Variants in SCN11A observed in about 807,000 individuals in gnomAD.
The protein encoded by SCN11A is sodium channel protein type 11 subunit alpha.
Under a neutral mutation model 162.2 loss-of-function variants are expected in SCN11A, and 122 were observed. That is an observed-to-expected ratio of 0.75 (90% CI 0.65 to 0.87). The LOEUF is 0.87. Ranked by LOEUF, SCN11A falls within the 40% of genes least tolerant of loss-of-function variation. The probability of loss-of-function intolerance (pLI) is 0.00; values close to 1 mark genes in which losing one functional copy is unlikely to be tolerated. For synonymous variants in SCN11A, 758 were observed against 751.5 expected, an observed-to-expected ratio of 1.01 and a Z score of -0.14; for missense variants, 2,015 against 2,181.6, an observed-to-expected ratio of 0.92 and a Z score of 1.52.
intron 1 of SCN11A, among the ~76,000 whole-genome samples, chr3:39,047,078 T>C (rs1322206584): frequency 9.3e-6 from 1 of 107,182 alleles, no homozygotes; most frequent in African/African-American, 3.4e-5. Flanking sequence ...CCTTTTTTTT[T>C]TTTAAGACTG....
At chr3:38,914,705 G>A (rs1028474401) in intron 11 of SCN11A, among the ~76,000 whole-genome samples, 2 of 152,096 alleles carry the variant, frequency 1.3e-5, no homozygotes, top group Non-Finnish European at 2.9e-5. Context: ...AATGGATGTT[G>A]AGTTTATCAA....
chr3:38,942,741 A>G (rs2066460007), intron 7 of SCN11A, among the ~76,000 whole-genome samples: 1 of 152,192 alleles, frequency 6.6e-6, no homozygotes, highest in Admixed American at 6.5e-5. Context: ...CAATTGTATA[A>G]GAAGAAAAAT....
At chr3:38,953,571 A>C (rs538533276) in intron 4 of SCN11A, among the ~76,000 whole-genome samples, 58 bp downstream of exon 4, 2 of 152,350 alleles carry the variant, frequency 1.3e-5, no homozygotes, top group South Asian at 4.1e-4. Flanking sequence ...TTGAGAGTTA[A>C]TAAATAGCCT....
Position 38,846,964 on chromosome 3 carries a change from A to G in SCN11A, c.5106T>C (p.Ser1702=), listed in dbSNP as rs2126075591. Residue 1702 remains serine, a synonymous_variant, in exon 30 of 30, where the codon AGT becomes AGC. Transcript: ENST00000302328. ...RVLGGSDGLD[S]MKAMMEEKFM... ...ACTTCTCTTCCATCATTGCTTTCAT[A>G]CTATCTAGGCCATCAGAGCCACCGA... 1 of 1,614,000 alleles carries G rather than the reference A, an allele frequency of 6.2e-7. No homozygotes were observed. Among genetic ancestry groups the G allele is most frequent in the South Asian group, 1.1e-5 (1 of 91,054 alleles).
At chr3:38,886,824 T>C (rs747005405) in intron 19 of SCN11A, among the ~76,000 whole-genome samples, 2 of 152,148 alleles carry the variant, frequency 1.3e-5, no homozygotes, top group Non-Finnish European at 2.9e-5. Flanking sequence ...AATAAATTTG[T>C]TCTGATGACC....
intron 19 of SCN11A, among the ~76,000 whole-genome samples, chr3:38,891,294 G>A (rs907257244): frequency 6.6e-6 from 1 of 151,984 alleles, no homozygotes; most frequent in Non-Finnish European, 1.5e-5. Flanking sequence ...GAGACCAACA[G>A]TACATTTGAA....
chr3:38,960,606 GGTT>G (rs1389931884), intron 2 of SCN11A, among the ~76,000 whole-genome samples, 183 bp from the exon 3 acceptor site: 5 of 152,266 alleles, frequency 3.3e-5, no homozygotes, highest in Non-Finnish European at 5.9e-5. Context: ...TAAAGAAACA[GGTT>G]GTTGTTTTTT....
rs1559544931 is a variant in SCN11A, at chr3:38,938,525, TATATATATATATATATATATATATA to T, written c.488+6861_488+6885del. On this transcript the variant is annotated intron_variant, in intron 7 of 29. Transcript: ENST00000302328. ...GAAAAATATCATATATATATATATATATATATATATATATATATATATATATTTTTTTTTTTTTTTTTTTTTTTTT... is the reference window on the plus strand; with the variant it reads ...GAAAAATATCATATATATATATATATTTTTTTTTTTTTTTTTTTTTTTTTT... 3.6e-3 allele frequency among the ~76,000 whole-genome samples: 58 copies of T among 16,112 alleles called. 1 individual carries two copies. Among genetic ancestry groups the T allele is most frequent in the African/African-American group, 0.015 (42 of 2,882 alleles). The allele number at this position is 16,112 out of a possible 152,430, so 10.6% of individuals were successfully genotyped here. A position where few individuals can be genotyped will look rare whatever the true frequency, so the allele number is the denominator to read the frequency against.
chr3:38,906,822 C>T (rs1380426025), intron 14 of SCN11A, among the ~76,000 whole-genome samples: 1 of 152,114 alleles, frequency 6.6e-6, no homozygotes, highest in Non-Finnish European at 1.5e-5. Flanking sequence ...AGGGTAAACT[C>T]TCTAGCTTTG....
intron 16 of SCN11A, among the ~76,000 whole-genome samples, chr3:38,902,753 A>G (rs151105546): frequency 0.016 from 2,423 of 151,978 alleles, 67 homozygotes; most frequent in African/African-American, 0.056. Context: ...TCCTGACCTC[A>G]TGATCTGCCT....
At chr3:39,047,312 T>G (rs2032208710) in intron 1 of SCN11A, among the ~76,000 whole-genome samples, 1 of 151,856 alleles carries the variant, frequency 6.6e-6, no homozygotes, top group Non-Finnish European at 1.5e-5. Flanking sequence ...CTGGGAAAAC[T>G]GACCCCCTAT....
chr3:38,911,361 T>C (rs1182729119), intron 11 of SCN11A, among the ~76,000 whole-genome samples: 1 of 152,222 alleles, frequency 6.6e-6, no homozygotes, highest in African/African-American at 2.4e-5. Flanking sequence ...GTTATTATCC[T>C]GTGTTGCTAT....
intron 1 of SCN11A, among the ~76,000 whole-genome samples, chr3:39,045,871 T>C (rs189314831): frequency 6.6e-6 from 1 of 152,352 alleles, no homozygotes; most frequent in African/African-American, 2.4e-5. Context: ...TTGCAGATGA[T>C]ATGATCTTAT....
rs753000639 is a variant in SCN11A at position 38,867,423 on chromosome 3, G to C, written c.3849C>G (p.Leu1283=). The part of the protein sequence containing the change: ...EQQPEFESNS[L]GYIYFVVFII... Reference sequence around the variant, plus strand: ...TAAAGACTACGAAGTAAATGTAACCGAGTGAATTGCTCTCAAACTCTGGCT... The same window carrying C: ...TAAAGACTACGAAGTAAATGTAACCCAGTGAATTGCTCTCAAACTCTGGCT... The change falls in exon 27 of 30, where the codon CTC becomes CTG. Residue 1283 remains leucine (L), a synonymous_variant. Coordinates refer to ENST00000302328, the MANE Select transcript of SCN11A (RefSeq NM_001349253.2). 5 of 1,612,680 alleles carry C rather than the reference G, an allele frequency of 3.1e-6. No homozygotes were observed. Among genetic ancestry groups the C allele is most frequent in the African/African-American group, 1.3e-5 (1 of 74,876 alleles).
intron 28 of SCN11A, 77 bp from the exon 29 acceptor site, chr3:38,850,828 A>G (rs553165303): frequency 6.8e-5 from 86 of 1,266,802 alleles, no homozygotes; most frequent in Non-Finnish European, 9.0e-5. Context: ...CATAAATACA[A>G]CAGAATTTGT....
chr3:38,863,346 T>TA (rs768807498), intron 27 of SCN11A, 47 bp from the exon 28 acceptor site: 7 of 957,564 alleles, frequency 7.3e-6, no homozygotes, highest in South Asian at 4.3e-5. Context: ...GTTTTTTTTT[T>TA]AATCTAGTTC....
intron 7 of SCN11A, among the ~76,000 whole-genome samples, chr3:38,934,111 A>G: frequency 6.6e-6 from 1 of 152,250 alleles, no homozygotes; most frequent in East Asian, 1.9e-4. Context: ...AGAATTTCAT[A>G]TCCAGACAAA....
chr3:39,046,022 G>T (rs1377224236), intron 1 of SCN11A, among the ~76,000 whole-genome samples: 1 of 152,158 alleles, frequency 6.6e-6, no homozygotes. Flanking sequence ...CACTTTGGGG[G>T]GCCTAAGCAG....
At chr3:38,894,215 C>G (rs1559512925) in intron 19 of SCN11A, among the ~76,000 whole-genome samples, 1 of 152,082 alleles carries the variant, frequency 6.6e-6, no homozygotes, top group Non-Finnish European at 1.5e-5. Flanking sequence ...CAGTTTACTT[C>G]CCAATCCCCT....
Sources: gnomAD v4.1 joint callset for allele counts (sites outside exome capture counted in the v4.1 genomes callset) on GRCh38, gnomAD v4.1.1 for gene constraint, MANE v1.5 for transcripts, NCBI Gene and HGNC (gene_info 2026-07-23, HGNC 2026-07-21) for gene names.